The following DLG5 variants were observed in gnomAD, a reference collection of about 807,000 sequenced individuals.
The protein encoded by DLG5 is disks large homolog 5.
In DLG5, 48 loss-of-function variants were observed where a neutral mutation model predicts 189.8. The ratio of observed to expected loss-of-function variants is 0.25; its 90% CI spans 0.20 to 0.32. The LOEUF (loss-of-function observed/expected upper bound fraction) is 0.32. Ranked by LOEUF, DLG5 falls within the 10% of genes least tolerant of loss-of-function variation. The pLI is 1.00. For missense variants in DLG5, 2,160 were observed against 2,544.7 expected, an observed-to-expected ratio of 0.85 and a Z score of 3.25; for synonymous variants, 1,016 against 1,054.1, an observed-to-expected ratio of 0.96 and a Z score of 0.70.
intron 1 of DLG5, among the ~76,000 whole-genome samples, chr10:77,924,023 C>A (rs1172527608): frequency 7.9e-5 from 12 of 152,030 alleles, no homozygotes; most frequent in Admixed American, 7.9e-4. Context: ...CACAACCACG[C>A]CCAGTTAATT....
chr10:77,812,329 C>T lies in DLG5; in HGVS notation c.4074G>A (p.Glu1358=). 6.2e-7 allele frequency: 1 copy of T among 1,614,188 alleles called. No homozygotes were observed. Among genetic ancestry groups the T allele is most frequent in the Non-Finnish European group, 8.5e-7 (1 of 1,180,002 alleles). The change falls in exon 21 of 32, where the codon GAG becomes GAA. Residue 1358 remains glutamate, a synonymous_variant. Transcript: ENST00000372391. ...CACTCACGATGGAGATGCCCAGCGGCTCTGAGCCCTTCTGCACCTTCACGT... is the reference window on the plus strand; with the variant it reads ...CACTCACGATGGAGATGCCCAGCGGTTCTGAGCCCTTCTGCACCTTCACGT... ...PRHVKVQKGS[E]PLGISIVSGE...
rs770945826 is a variant in DLG5 at position 77,796,218 on chromosome 10, G to GC, written c.5309-31dup. ...AATGCACAGACACAGGAATCAGGGA[G>GC]CCCCAGGCCCTGCTGAGCCCCAGCA... On this transcript the variant is annotated intron_variant, in intron 28 of 31. Coordinates refer to ENST00000372391, the MANE Select transcript of DLG5 (RefSeq NM_004747.4). The surrounding 1 kb of genome is among the most constrained non-coding windows in gnomAD (Gnocchi z 5.2). 1 of 1,613,676 alleles carries GC rather than the reference G, an allele frequency of 6.2e-7. No individual in the cohort carries two copies. The highest frequency in any genetic ancestry group is 1.7e-5 in the Admixed American group (1 of 60,028).
At chr10:77,802,508 G>A (rs567727331) in intron 27 of DLG5, among the ~76,000 whole-genome samples, 2 of 152,356 alleles carry the variant, frequency 1.3e-5, no homozygotes, top group East Asian at 3.9e-4. Flanking sequence ...AAGAGCAATG[G>A]AAATGTAAAA....
chr10:77,830,780 C>G lies in DLG5; in HGVS notation c.1842G>C (p.Met614Ile). 2 of 1,614,224 alleles carry G rather than the reference C, an allele frequency of 1.2e-6. No homozygotes were observed. The highest frequency in any genetic ancestry group is 1.7e-6 in the Non-Finnish European group (2 of 1,180,052). The change falls in exon 10 of 32, where the codon ATG (methionine) becomes ATC (isoleucine). Residue 614 changes from methionine (M) to isoleucine (I), a missense_variant. Coordinates refer to ENST00000372391, the MANE Select transcript of DLG5 (RefSeq NM_004747.4). ...SHDSAIDTDS[M>I]EWETEVVEFE... is the part of the protein sequence containing the mutation. ...ACTCTACAACTTCCGTTTCCCACTC[C>G]ATGGAATCCGTGTCAATGGCCGAGT... is the stretch of plus-strand genomic sequence containing the variant.
intron 1 of DLG5, among the ~76,000 whole-genome samples, chr10:77,920,694 G>A (rs762339901): frequency 2.0e-5 from 3 of 152,158 alleles, no homozygotes; most frequent in Non-Finnish European, 4.4e-5. Flanking sequence ...CCTACCATGA[G>A]GTTTGTCTGC....
chr10:77,872,531 G>A (rs929316245), intron 1 of DLG5, among the ~76,000 whole-genome samples: 1 of 152,202 alleles, frequency 6.6e-6, no homozygotes, highest in Non-Finnish European at 1.5e-5. Context: ...CTGGTGGGGG[G>A]AGTGGTTAAA....
intron 1 of DLG5, among the ~76,000 whole-genome samples, chr10:77,899,224 A>T (rs972175493): frequency 2.0e-5 from 3 of 152,016 alleles, no homozygotes; most frequent in African/African-American, 7.3e-5. Context: ...AGACTGGGGG[A>T]GCTCAGCACC....
chr10:77,837,833 G>A (rs1467057489), intron 7 of DLG5, among the ~76,000 whole-genome samples: 1 of 152,182 alleles, frequency 6.6e-6, no homozygotes, highest in East Asian at 1.9e-4. Flanking sequence ...TGTGCTGGGT[G>A]AACAAAGGCG....
At chr10:77,937,293 G>A in the DLG5 span, among the ~76,000 whole-genome samples, 1 of 152,090 alleles carries the variant, frequency 6.6e-6, no homozygotes, top group African/African-American at 2.4e-5. Flanking sequence ...ATTCTCTAGG[G>A]CCAGGAAACT....
At chr10:77,917,275 G>C (rs1301883728) in intron 1 of DLG5, among the ~76,000 whole-genome samples, 2 of 152,030 alleles carry the variant, frequency 1.3e-5, no homozygotes, top group African/African-American at 2.4e-5. Flanking sequence ...CCGGGAGGCA[G>C]AGCTTGCAGT....
intron 2 of DLG5, chr10:77,866,754 G>A: frequency 2.9e-6 from 1 of 349,692 alleles, no homozygotes; most frequent in Non-Finnish European, 5.7e-6. Flanking sequence ...GGAGGGCAGA[G>A]CTGCATCCCC....
chr10:77,835,215 C>T (rs1377127661), intron 8 of DLG5, among the ~76,000 whole-genome samples: 1 of 152,120 alleles, frequency 6.6e-6, no homozygotes, highest in Admixed American at 6.5e-5. Flanking sequence ...CTCATGCTTC[C>T]AGTTCTAGTG....
Position 77,792,249 on chromosome 10 carries a change from G to GTGGGCC in DLG5, c.*185_*190dup, listed in dbSNP as rs1453529658. The GTGGGCC allele has an allele frequency of 4.9e-6, 3 of 618,298 alleles. No individual in the cohort carries two copies. The Admixed American group carries it at 8.4e-5, about 17-fold the overall frequency. The allele number at this position is 618,298 out of a possible 1,614,324, so 38.3% of individuals were successfully genotyped here. ...CACACGTGTGACACGGGCAGAGTGT[G>GTGGGCC]TGGGCCTGGGCCTGGATCGCACGCA... On this transcript the variant is annotated 3_prime_UTR_variant, in exon 32 of 32. Transcript: ENST00000372391.
At chr10:77,862,805 A>G (rs1359151287) in intron 2 of DLG5, among the ~76,000 whole-genome samples, 1 of 152,188 alleles carries the variant, frequency 6.6e-6, no homozygotes, top group Non-Finnish European at 1.5e-5. Context: ...GCGTTAATCA[A>G]AAGAAGCCTG....
chr10:77,879,711 A>G (rs1030936889), intron 1 of DLG5, among the ~76,000 whole-genome samples: 3 of 151,270 alleles, frequency 2.0e-5, no homozygotes, highest in Admixed American at 1.3e-4. Flanking sequence ...GTGGAATAGG[A>G]AAGAAAGAAA....
Position 77,803,747 on chromosome 10 carries a change from C to T in DLG5, c.5164+1918G>A, listed in dbSNP as rs368781538. On this transcript the variant is annotated intron_variant, in intron 27 of 31. Coordinates refer to ENST00000372391, the MANE Select transcript of DLG5 (RefSeq NM_004747.4). The stretch of plus-strand genomic sequence containing the variant: ...TATTTTTTAAAGACACTAGCACCAC[C>T]GGACAAATGCCAAACATAATGGAGA... Among the ~76,000 whole-genome samples the T allele has an allele frequency of 1.5e-4, 23 of 152,046 alleles. 3 individuals are homozygous for T. Among genetic ancestry groups the T allele is most frequent in the East Asian group, 7.7e-4 (4 of 5,178 alleles).
In DLG5 at chr10:77,830,278, C is replaced by T. The variant is rs766905955; in HGVS notation, c.1948G>A (p.Gly650Arg). Residue 650 changes from glycine (G) to arginine (R), a missense_variant, in exon 11 of 32, where the codon GGG becomes AGG. Physicochemically the swap from Gly to Arg is moderately radical, Grantham distance 125 (BLOSUM62 -2). This residue lies in a region of DLG5 where 107 missense variants were observed against 214.5 expected (regional missense o/e 0.50). Transcript: ENST00000372391. Reference protein sequence around the residue: ...AEGVNEPCFPGDCGIFVTKVD... With the variant: ...AEGVNEPCFPRDCGIFVTKVD... ...TTAGTGACAAATATGCCACAGTCCCCCGGGAAACAAGGCTCATTCACACCT... is the reference window on the plus strand; with the variant it reads ...TTAGTGACAAATATGCCACAGTCCCTCGGGAAACAAGGCTCATTCACACCT... The T allele has an allele frequency of 1.2e-6, 2 of 1,614,196 alleles. No homozygotes were observed. The highest frequency in any genetic ancestry group is 1.7e-6 in the Non-Finnish European group (2 of 1,180,038).
chr10:77,845,216 G>A (rs1843627174), intron 5 of DLG5: 1 of 152,258 alleles, frequency 6.6e-6, no homozygotes, highest in African/African-American at 2.4e-5. Context: ...AGCACCTCAT[G>A]GGATCTGAGC....
rs1292920092 is a variant in DLG5, at chr10:77,791,317, G to A, written c.*1123C>T. On this transcript the variant is annotated 3_prime_UTR_variant, in exon 32 of 32. Coordinates refer to ENST00000372391, the MANE Select transcript of DLG5 (RefSeq NM_004747.4). ...AAGGAGGAACCACATCAAATCTTCA[G>A]CCAGACATATCTAGCCTCAGAAGTG... 1 of 150,278 alleles carries A rather than the reference G, an allele frequency of 6.7e-6. No individual in the cohort carries two copies. Among genetic ancestry groups the A allele is most frequent in the Non-Finnish European group, 1.5e-5 (1 of 67,758 alleles). The allele number at this position is 150,278 out of a possible 1,614,324, so 9.3% of individuals were successfully genotyped here. A position where few individuals can be genotyped will look rare whatever the true frequency, so the allele number is the denominator to read the frequency against.
Sources: gnomAD v4.1 joint callset for allele counts (sites outside exome capture counted in the v4.1 genomes callset) on GRCh38, gnomAD v4.1.1 for gene constraint, gnomAD v4.1.1 regional missense constraint, Gnocchi (gnomAD v3.1) non-coding constraint, MANE v1.5 for transcripts, NCBI Gene and HGNC (gene_info 2026-07-23, HGNC 2026-07-21) for gene names.